DSG1: variants seen among roughly 807,000 people sequenced by gnomAD.
DSG1 encodes the protein desmoglein-1.
A neutral mutation model predicts 97.5 loss-of-function variants in DSG1; 39 were observed. That is an observed-to-expected ratio of 0.40 (90% CI 0.31 to 0.52). DSG1 has a LOEUF of 0.52. DSG1 is among the 20% of genes least tolerant of loss of function. The pLI, the probability that DSG1 is intolerant of heterozygous loss-of-function variation, is 0.53. For synonymous variants in DSG1, 475 were observed against 443.4 expected (o/e 1.07, Z -0.90); for missense variants, 1,311 against 1,295.4 (o/e 1.01, Z -0.18).
intron 9 of DSG1, among the ~76,000 whole-genome samples, chr18:31,337,220 A>G (rs2071761336): frequency 6.6e-6 from 1 of 151,938 alleles, no homozygotes; most frequent in Non-Finnish European, 1.5e-5. Context: ...TTACCCATGC[A>G]TTTTTTGTTG....
Position 31,334,065 on chromosome 18 carries a change from A to G in DSG1, c.868A>G (p.Ile290Val), listed in dbSNP as rs199772847. ...ENTLNSNLLE[I>V]RVIDLDEEFS... ...TACTCTAAATTCAAATTTGCTCGAGATTAGAGTAATTGATTTGGATGAAGA... is the reference window on the plus strand; with the variant it reads ...TACTCTAAATTCAAATTTGCTCGAGGTTAGAGTAATTGATTTGGATGAAGA... Residue 290 changes from isoleucine (I) to valine (V), a missense_variant, in exon 8 of 15, where the codon ATT (isoleucine) becomes GTT (valine). Coordinates refer to ENST00000257192, the MANE Select transcript of DSG1 (RefSeq NM_001942.4). 6.2e-7 allele frequency: 1 copy of G among 1,611,084 alleles called. No homozygotes were observed. The highest frequency in any genetic ancestry group is 2.2e-5 in the East Asian group (1 of 44,716).
chr18:31,355,203 C>G lies in DSG1; in HGVS notation c.3007C>G (p.Leu1003Val). The G allele has an allele frequency of 6.2e-7, 1 of 1,603,014 alleles. No individual in the cohort carries two copies. Reference protein sequence around the residue: ...GAGISGGGIGLSSLGGTASIG... With the variant: ...GAGISGGGIGVSSLGGTASIG... Reference sequence around the variant, plus strand: ...TGGCATAAGTGGTGGTGGCATTGGCCTGAGCAGCTTGGGAGGGACAGCCAG... The same window carrying G: ...TGGCATAAGTGGTGGTGGCATTGGCGTGAGCAGCTTGGGAGGGACAGCCAG... Residue 1003 changes from leucine (L) to valine (V), a missense_variant, in exon 15 of 15, where the codon CTG becomes GTG. This residue lies in a region of DSG1 where 1,038 missense variants were observed against 964.6 expected (regional missense o/e 1.08). Coordinates refer to ENST00000257192, the MANE Select transcript of DSG1 (RefSeq NM_001942.4).
chr18:31,333,931 G>T, intron 7 of DSG1, 86 bp from the exon 8 acceptor site: 1 of 1,161,684 alleles, frequency 8.6e-7, no homozygotes, highest in Non-Finnish European at 1.3e-6. Flanking sequence ...TCTAAATAAT[G>T]AAGTTATCAA....
At chr18:31,332,101 A>G (rs563232617) in intron 6 of DSG1, among the ~76,000 whole-genome samples, 1 of 152,100 alleles carries the variant, frequency 6.6e-6, no homozygotes, top group African/African-American at 2.4e-5. Flanking sequence ...CTTCAATTTA[A>G]GAAAACTATA....
rs1449679595 is a variant in DSG1 at position 31,354,397 on chromosome 18, G to T, written c.2201G>T (p.Gly734Val). 2 of 1,614,084 alleles carry T rather than the reference G, an allele frequency of 1.2e-6. No homozygotes were observed. Among genetic ancestry groups the T allele is most frequent in the Admixed American group, 1.7e-5 (1 of 60,006 alleles). ...EGVGSPAGSVGCCSFIGEDLD... is the reference protein window; with the variant it reads ...EGVGSPAGSVVCCSFIGEDLD... ...GTAGGTTCCCCTGCTGGCTCTGTGG[G>T]TTGTTGTAGCTTCATTGGAGAAGAC... The change falls in exon 15 of 15, where the codon GGT becomes GTT. Residue 734 changes from glycine to valine, a missense_variant. By Grantham distance (109) the Gly-to-Val change is moderately radical. Around this residue, in one of 3 missense-constraint regions of DSG1, gnomAD observed 1,038 missense variants for 964.6 expected, o/e 1.08. Coordinates refer to ENST00000257192, the MANE Select transcript of DSG1 (RefSeq NM_001942.4).
chr18:31,322,765 A>G (rs142757514), intron 1 of DSG1, among the ~76,000 whole-genome samples: 4 of 152,380 alleles, frequency 2.6e-5, no homozygotes, highest in African/African-American at 7.2e-5. Flanking sequence ...AACGCTTAGC[A>G]AAAAGTGACT....
At chr18:31,333,056 G>A (rs547146287) in intron 6 of DSG1, among the ~76,000 whole-genome samples, 1 of 152,250 alleles carries the variant, frequency 6.6e-6, no homozygotes, top group East Asian at 1.9e-4. Context: ...TTTTGAATGA[G>A]TGTGCATTTT....
chr18:31,328,473 C>T (rs961643404), intron 4 of DSG1, 129 bp downstream of exon 4: 11 of 893,538 alleles, frequency 1.2e-5, no homozygotes, highest in Non-Finnish European at 1.8e-5. Flanking sequence ...TCTTAATTCA[C>T]GAGCATCCCA....
rs1394205517 is a variant in DSG1 at position 31,334,446 on chromosome 18, C to A, written c.1005+244C>A. Among the ~76,000 whole-genome samples, 7 of 151,954 alleles carry A rather than the reference C, an allele frequency of 4.6e-5. No individual in the cohort carries two copies. The South Asian group carries it at 1.5e-3, about 32-fold the overall frequency. ...GTCAATACAGTACTCCCAAATAGAT[C>A]ATATAAATTGAAAACACTTAAAAAT... On this transcript the variant is annotated intron_variant, in intron 8 of 14. Coordinates refer to ENST00000257192, the MANE Select transcript of DSG1 (RefSeq NM_001942.4).
intron 1 of DSG1, among the ~76,000 whole-genome samples, chr18:31,322,038 T>A (rs115606031): frequency 3.3e-5 from 5 of 152,202 alleles, no homozygotes; most frequent in Non-Finnish European, 7.3e-5. Context: ...CTTAGACAGA[T>A]CAAATTTTTT....
In DSG1 at chr18:31,334,121, C is replaced by G; in HGVS notation, c.924C>G (p.Phe308Leu). 6.2e-7 allele frequency: 1 copy of G among 1,610,050 alleles called. No individual in the cohort carries two copies. Among genetic ancestry groups the G allele is most frequent in the Non-Finnish European group, 8.5e-7 (1 of 1,176,626 alleles). The part of the protein sequence containing the change: ...EFSANWMAVI[F>L]FISGNEGNWF... ...CAGCTAACTGGATGGCAGTAATTTT[C>G]TTTATCTCTGGAAATGAAGGAAATT... is the stretch of plus-strand genomic sequence containing the variant. The change falls in exon 8 of 15, where the codon TTC becomes TTG. Residue 308 changes from phenylalanine to leucine, a missense_variant. This residue lies in a region of DSG1 where 1,038 missense variants were observed against 964.6 expected (regional missense o/e 1.08). Transcript: ENST00000257192.
intron 14 of DSG1, among the ~76,000 whole-genome samples, chr18:31,348,051 C>T (rs12457661): frequency 6.6e-6 from 1 of 151,632 alleles, no homozygotes; most frequent in Non-Finnish European, 1.5e-5. Context: ...ATGTGCCATG[C>T]TGGTGCGCTG....
At chr18:31,342,027 A>C (rs1008190491) in intron 11 of DSG1, among the ~76,000 whole-genome samples, 1 of 151,656 alleles carries the variant, frequency 6.6e-6, no homozygotes, top group East Asian at 1.9e-4. Context: ...TTTGCCTCCC[A>C]GGTTCAAGCG....
At position 31,323,851 on chromosome 18, in the gene DSG1, T is replaced by A. The variant is rs537150085; in HGVS notation, c.49-2730T>A. 3.6e-4 allele frequency among the ~76,000 whole-genome samples: 55 copies of A among 152,186 alleles called. 3 individuals are homozygous for A. In the South Asian group the frequency reaches 0.011, roughly 32 times the overall value. The stretch of plus-strand genomic sequence containing the variant: ...ATTCACTCTGCTCAACTTTTTTACC[T>A]CATCTCTTTCAACCCCATCTGTCTT... On this transcript the variant is annotated intron_variant, in intron 1 of 14. Coordinates refer to ENST00000257192, the MANE Select transcript of DSG1 (RefSeq NM_001942.4).
intron 1 of DSG1, 27 bp from the exon 2 acceptor site, chr18:31,326,553 AC>A: frequency 6.5e-7 from 1 of 1,535,802 alleles, no homozygotes; most frequent in Non-Finnish European, 9.0e-7. Flanking sequence ...TTAAAAAATA[AC>A]TAGTGTGATT....
chr18:31,328,070 G>T, intron 3 of DSG1, 119 bp from the exon 4 acceptor site: 1 of 1,001,706 alleles, frequency 1.0e-6, no homozygotes, highest in Non-Finnish European at 1.5e-6. Flanking sequence ...AATCTCCATT[G>T]ACAACATTTC....
intron 13 of DSG1, 34 bp downstream of exon 13, chr18:31,344,029 G>T (rs984621694): frequency 1.4e-6 from 2 of 1,412,120 alleles, no homozygotes; most frequent in East Asian, 2.3e-5. Flanking sequence ...CATCTCAAAT[G>T]CTTAAGTAGG....
At chr18:31,326,496 ATGT>A in intron 1 of DSG1, 82 bp from the exon 2 acceptor site, 2 of 1,070,892 alleles carry the variant, frequency 1.9e-6, no homozygotes, top group Non-Finnish European at 2.8e-6. Flanking sequence ...CTATGGTTTC[ATGT>A]TGTTTTTAAA....
rs570854145 is a variant in DSG1, at chr18:31,330,045, T to G, written c.517+9T>G. On this transcript the variant is annotated intron_variant, in intron 5 of 14. Transcript: ENST00000257192. ...AGAAAATTCTAATGCAAGTAAGTAATGTAGTGGCTTCCAAATCACTCCTAA... is the reference window on the plus strand; with the variant it reads ...AGAAAATTCTAATGCAAGTAAGTAAGGTAGTGGCTTCCAAATCACTCCTAA... The G allele has an allele frequency of 1.3e-5, 21 of 1,612,606 alleles. No homozygotes were observed. The highest frequency in any genetic ancestry group is 2.7e-5 in the African/African-American group (2 of 74,970).
Sources: gnomAD v4.1 joint callset for allele counts (sites outside exome capture counted in the v4.1 genomes callset) on GRCh38, gnomAD v4.1.1 for gene constraint, gnomAD v4.1.1 regional missense constraint, MANE v1.5 for transcripts, NCBI Gene and HGNC (gene_info 2026-07-23, HGNC 2026-07-21) for gene names.